The following RBFOX3 variants were observed in gnomAD, a reference collection of about 807,000 sequenced individuals.
RBFOX3 encodes RNA binding fox-1 homolog 3, also known as RNA binding protein fox-1 homolog 3.
A neutral mutation model predicts 48.7 loss-of-function variants in RBFOX3; 17 were observed. That is an observed-to-expected ratio of 0.35 (90% CI 0.24 to 0.52). The LOEUF (loss-of-function observed/expected upper bound fraction) is 0.52, where lower values mean the gene tolerates loss of function less well. RBFOX3 is among the 20% of genes least tolerant of loss of function. The pLI is 0.94. For synonymous variants in RBFOX3, 212 were observed against 209.5 expected (o/e 1.01, Z -0.10); for missense variants, 382 against 497.5 (o/e 0.77, Z 2.21).
chr17:79,348,182 G>C (rs1009086272), intron 2 of RBFOX3, among the ~76,000 whole-genome samples: 21 of 152,216 alleles, frequency 1.4e-4, no homozygotes, highest in African/African-American at 5.1e-4. Flanking sequence ...GTGACTGCTG[G>C]GGTCAGGTGG....
chr17:79,297,586 G>A (rs2074603214), intron 3 of RBFOX3, among the ~76,000 whole-genome samples: 1 of 152,244 alleles, frequency 6.6e-6, no homozygotes. Context: ...TGGAAATCTG[G>A]CCCAGTGCCT....
the RBFOX3 span, among the ~76,000 whole-genome samples, chr17:79,618,726 T>A: frequency 6.6e-6 from 1 of 152,302 alleles, no homozygotes; most frequent in East Asian, 1.9e-4. Context: ...AAAATCAATC[T>A]GATTTCTCTG....
At chr17:79,285,738 C>G (rs112500662) in intron 3 of RBFOX3, among the ~76,000 whole-genome samples, 9,496 of 152,192 alleles carry the variant, frequency 0.062, 1,003 homozygotes, top group African/African-American at 0.22. Context: ...GGCTGGAGTG[C>G]AATGGTGCGA....
At chr17:79,342,376 G>C (rs2082241337) in intron 2 of RBFOX3, among the ~76,000 whole-genome samples, 1 of 152,178 alleles carries the variant, frequency 6.6e-6, no homozygotes, top group Admixed American at 6.5e-5. Flanking sequence ...CTTTTGGCTG[G>C]TGGATGTTGG....
chr17:79,142,023 T>C (rs1198867938), intron 4 of RBFOX3, among the ~76,000 whole-genome samples: 1 of 152,214 alleles, frequency 6.6e-6, no homozygotes, highest in African/African-American at 2.4e-5. Context: ...CCGCTGCCTC[T>C]GAGTTTGTGG....
chr17:79,558,205 G>A (rs2091921673), intron 1 of RBFOX3, among the ~76,000 whole-genome samples: 1 of 151,428 alleles, frequency 6.6e-6, no homozygotes, highest in African/African-American at 2.5e-5. Context: ...AGCTGAGAGG[G>A]CCACGTGGCC....
At chr17:79,197,670 C>T (rs1199250563) in intron 4 of RBFOX3, among the ~76,000 whole-genome samples, 5 of 152,120 alleles carry the variant, frequency 3.3e-5, no homozygotes, top group Non-Finnish European at 7.4e-5. Flanking sequence ...GCTGGGATTA[C>T]AGGCATGAGC....
At chr17:79,275,458 C>T (rs1420785173) in intron 3 of RBFOX3, among the ~76,000 whole-genome samples, 1 of 152,184 alleles carries the variant, frequency 6.6e-6, no homozygotes, top group African/African-American at 2.4e-5. Flanking sequence ...ATGGTCCCCC[C>T]CCAACCTCCA....
Position 79,252,215 on chromosome 17 carries a change from T to A in RBFOX3, c.-73-16410A>T, listed in dbSNP as rs544603525. 2.6e-5 allele frequency among the ~76,000 whole-genome samples: 4 copies of A among 152,276 alleles called. No individual in the cohort carries two copies. The South Asian group carries it at 8.3e-4, about 32-fold the overall frequency. On this transcript the variant is annotated intron_variant, in intron 3 of 14. Coordinates refer to ENST00000693108, the MANE Select transcript of RBFOX3 (RefSeq NM_001350451.2). This position sits in a 1 kb window ranked among gnomAD's most constrained non-coding sequence, Gnocchi z 4.0. ...ACCCTTTACTTTCTCCCCAGGCAACTTCAGAGGTCTGGCTTCAACCCGCAC... is the reference window on the plus strand; with the variant it reads ...ACCCTTTACTTTCTCCCCAGGCAACATCAGAGGTCTGGCTTCAACCCGCAC...
chr17:79,466,572 C>A (rs2076343147), intron 2 of RBFOX3, among the ~76,000 whole-genome samples: 1 of 152,324 alleles, frequency 6.6e-6, no homozygotes, highest in Non-Finnish European at 1.5e-5. Context: ...TAACATGCCA[C>A]AGTGACCTCA....
chr17:79,357,206 G>C (rs756108072), intron 2 of RBFOX3, among the ~76,000 whole-genome samples: 4 of 152,266 alleles, frequency 2.6e-5, no homozygotes, highest in Non-Finnish European at 4.4e-5. Context: ...CACATGTAGA[G>C]TGTCTGTGCT....
intron 2 of RBFOX3, among the ~76,000 whole-genome samples, chr17:79,422,891 T>A (rs1390298081): frequency 6.6e-6 from 1 of 152,120 alleles, no homozygotes; most frequent in Non-Finnish European, 1.5e-5. Flanking sequence ...CAGGGCGATA[T>A]GCACTCTCTC....
chr17:79,508,053 G>A (rs903489801), intron 1 of RBFOX3, among the ~76,000 whole-genome samples: 1 of 152,224 alleles, frequency 6.6e-6, no homozygotes, highest in African/African-American at 2.4e-5. Context: ...GTGGATTTAG[G>A]AGCCTCAATG....
chr17:79,628,076 G>A, the RBFOX3 span, among the ~76,000 whole-genome samples: 3 of 152,014 alleles, frequency 2.0e-5, no homozygotes, highest in South Asian at 4.2e-4. Context: ...CAGAGAAAGC[G>A]GCTGCTTTAA....
chr17:79,517,456 A>C (rs2085413622), intron 1 of RBFOX3, among the ~76,000 whole-genome samples: 2 of 151,588 alleles, frequency 1.3e-5, no homozygotes, highest in African/African-American at 4.9e-5. Context: ...AAAAAAAAAA[A>C]AAAAACAAAC....
chr17:79,186,407 G>A (rs1044346388), intron 4 of RBFOX3, among the ~76,000 whole-genome samples: 1 of 152,226 alleles, frequency 6.6e-6, no homozygotes, highest in Non-Finnish European at 1.5e-5. Flanking sequence ...GTGTCGCGCA[G>A]GCCTGACTCT....
At chr17:79,197,890 C>A (rs2055977732) in intron 4 of RBFOX3, among the ~76,000 whole-genome samples, 1 of 152,116 alleles carries the variant, frequency 6.6e-6, no homozygotes, top group Non-Finnish European at 1.5e-5. Context: ...AAAGAAAAGC[C>A]TGAGTCTCTG....
intron 3 of RBFOX3, among the ~76,000 whole-genome samples, chr17:79,260,061 T>C (rs2065499169): frequency 6.6e-6 from 1 of 151,838 alleles, no homozygotes; most frequent in Non-Finnish European, 1.5e-5. Flanking sequence ...TGGGGAGCCC[T>C]CTGGACAGGT....
intron 4 of RBFOX3, among the ~76,000 whole-genome samples, chr17:79,154,815 C>CCAAACCCTCTACTGAGCAAGTG (rs2045403902): frequency 6.6e-6 from 1 of 151,784 alleles, no homozygotes; most frequent in African/African-American, 2.4e-5. Context: ...TGGGCCTCCC[C>CCAAACCCTCTACTGAGCAAGTG]CAAACCCTCT....
Sources: gnomAD v4.1 joint callset for allele counts (sites outside exome capture counted in the v4.1 genomes callset) on GRCh38, gnomAD v4.1.1 for gene constraint, Gnocchi (gnomAD v3.1) non-coding constraint, MANE v1.5 for transcripts, NCBI Gene and HGNC (gene_info 2026-07-23, HGNC 2026-07-21) for gene names.